TRRAP: variants seen among roughly 807,000 people sequenced by gnomAD.
The protein encoded by TRRAP is transformation/transcription domain-associated protein.
Under a neutral mutation model 438.8 loss-of-function variants are expected in TRRAP, and 41 were observed. The ratio of observed to expected loss-of-function variants is 0.09; its 90% CI spans 0.07 to 0.12. TRRAP has a LOEUF of 0.12. Ranked by LOEUF, TRRAP falls within the 10% of genes least tolerant of loss-of-function variation. The pLI, the probability that TRRAP is intolerant of heterozygous loss-of-function variation, is 1.00. For synonymous variants in TRRAP, 1,994 were observed against 1,962.9 expected, an observed-to-expected ratio of 1.02 and a Z score of -0.42; for missense variants, 3,122 against 5,055.1, an observed-to-expected ratio of 0.62 and a Z score of 11.60.
Position 98,993,687 on chromosome 7 carries a change from G to A in TRRAP, c.9997G>A (p.Glu3333Lys). The change falls in exon 66 of 73, where the codon GAA becomes AAA. Residue 3333 changes from glutamate (E) to lysine (K), a missense_variant. Glu to Lys is a moderately conservative substitution (Grantham distance 56, BLOSUM62 1). Transcript: ENST00000456197. Reference protein sequence around the residue: ...ELHPTLLSSLEGIVDQMVWFR... With the variant: ...ELHPTLLSSLKGIVDQMVWFR... ...CCACCCCACCCTTCTGTCTTCCCTGGAAGGCATCGTCGATCAGATGGTCTG... is the reference window on the plus strand; with the variant it reads ...CCACCCCACCCTTCTGTCTTCCCTGAAAGGCATCGTCGATCAGATGGTCTG... The A allele has an allele frequency of 6.2e-7, 1 of 1,614,224 alleles. No individual in the cohort carries two copies. The highest frequency in any genetic ancestry group is 2.2e-5 in the East Asian group (1 of 44,882).
intron 45 of TRRAP, among the ~76,000 whole-genome samples, chr7:98,960,308 A>G (rs1046287235): frequency 6.6e-6 from 1 of 152,142 alleles, no homozygotes; most frequent in Non-Finnish European, 1.5e-5. Flanking sequence ...TGGCAGCAAA[A>G]GCTATTTTCT....
intron 40 of TRRAP, among the ~76,000 whole-genome samples, chr7:98,954,202 T>C (rs1041390959): frequency 6.6e-6 from 1 of 152,124 alleles, no homozygotes; most frequent in South Asian, 2.1e-4. Flanking sequence ...TGAGCGCTTC[T>C]TCCTGGAGTC....
chr7:98,957,965 G>A lies in TRRAP; in HGVS notation c.6232-16G>A. 1.2e-6 allele frequency: 2 copies of A among 1,610,346 alleles called. No homozygotes were observed. The highest frequency in any genetic ancestry group is 1.7e-6 in the Non-Finnish European group (2 of 1,177,246). ...GTTGCGATTCTCTTCCTGCCTGAAA[G>A]GAGGTCCTTTTCCAGGTCTTTGGGA... is the stretch of plus-strand genomic sequence containing the variant. On this transcript the variant is annotated splice_polypyrimidine_tract_variant and intron_variant, in intron 43 of 72. Transcript: ENST00000456197.
rs71118646 is a variant in TRRAP at position 98,914,718 on chromosome 7, CAAAAAAAAAAAAAAAAA to C, written c.2200-992_2200-976del. ...TGGGAGACAGAGTGAGACCCTGTCT[CAAAAAAAAAAAAAAAAA>C]AAAAAAAAAAAAGACAGAAAAAGAA... On this transcript the variant is annotated intron_variant, in intron 18 of 72. Coordinates refer to ENST00000456197, the MANE Select transcript of TRRAP (RefSeq NM_001375524.1). 1.8e-3 allele frequency among the ~76,000 whole-genome samples: 74 copies of C among 41,302 alleles called. 1 individual carries two copies. Among genetic ancestry groups the C allele is most frequent in the African/African-American group, 4.9e-3 (71 of 14,378 alleles). 27.1% of individuals were successfully genotyped at this position (41,302 alleles called of 152,430 possible). A position where few individuals can be genotyped will look rare whatever the true frequency, so the allele number is the denominator to read the frequency against.
chr7:98,955,373 C>A, intron 41 of TRRAP, 69 bp downstream of exon 41: 1 of 1,461,674 alleles, frequency 6.8e-7, no homozygotes, highest in Admixed American at 2.1e-5. Flanking sequence ...TTTACCTTGT[C>A]TTGTTCTGCA....
Position 99,011,782 on chromosome 7 carries a change from C to CA in TRRAP, c.11337+250dup, listed in dbSNP as rs1208572306. Among the ~76,000 whole-genome samples the CA allele has an allele frequency of 3.3e-5, 5 of 152,264 alleles. No individual in the cohort carries two copies. The highest frequency in any genetic ancestry group is 5.9e-5 in the Non-Finnish European group (4 of 68,052). ...CAGATGCCGGAAGGTGTCAAGTGAACAAATAAACAGATTGGGCCTCAGTCG... is the reference window on the plus strand; with the variant it reads ...CAGATGCCGGAAGGTGTCAAGTGAACAAAATAAACAGATTGGGCCTCAGTCG... On this transcript the variant is annotated intron_variant, in intron 72 of 72. Transcript: ENST00000456197. This position sits in a 1 kb window ranked among gnomAD's most constrained non-coding sequence, Gnocchi z 7.1.
At position 98,997,795 on chromosome 7, in the gene TRRAP, G is replaced by A. The variant is rs1033794815; in HGVS notation, c.10309+2947G>A. Among the ~76,000 whole-genome samples, 3 of 152,310 alleles carry A rather than the reference G, an allele frequency of 2.0e-5. No individual in the cohort carries two copies. The East Asian group carries it at 5.8e-4, about 29-fold the overall frequency. On this transcript the variant is annotated intron_variant, in intron 67 of 72. Coordinates refer to ENST00000456197, the MANE Select transcript of TRRAP (RefSeq NM_001375524.1). The stretch of plus-strand genomic sequence containing the variant: ...AGTCACCTTAAGTCTAGGCTCTACT[G>A]CCCAGGAAAATTGAATCGAACTTAA...
chr7:98,973,310 A>T (rs771268298), intron 53 of TRRAP, among the ~76,000 whole-genome samples: 1 of 152,156 alleles, frequency 6.6e-6, no homozygotes, highest in Admixed American at 6.6e-5. Flanking sequence ...AAAAAGGGCT[A>T]TAAGTCCATG....
chr7:98,997,369 T>C (rs993525541), intron 67 of TRRAP, among the ~76,000 whole-genome samples: 1 of 150,822 alleles, frequency 6.6e-6, no homozygotes, highest in Admixed American at 6.7e-5. Context: ...AATCTTACTT[T>C]ACTACCAAGC....
chr7:98,981,855 G>C lies in TRRAP; in HGVS notation c.8721G>C (p.Gln2907His). 6.2e-7 allele frequency: 1 copy of C among 1,608,508 alleles called. No homozygotes were observed. Among genetic ancestry groups the C allele is most frequent in the Non-Finnish European group, 8.5e-7 (1 of 1,178,132 alleles). The change falls in exon 59 of 73, where the codon CAG (glutamine) becomes CAC (histidine). Residue 2907 changes from glutamine (Q) to histidine (H), a missense_variant. Coordinates refer to ENST00000456197, the MANE Select transcript of TRRAP (RefSeq NM_001375524.1). ...YLAICHPEEQ[Q>H]LSFIERLVEM... ...CCATCTGCCACCCCGAGGAGCAGCA[G>C]CTCAGCTTCATCGAGCGCCTGGTGG...
chr7:98,929,033 G>A (rs1554412199), intron 23 of TRRAP, among the ~76,000 whole-genome samples: 1 of 151,682 alleles, frequency 6.6e-6, no homozygotes, highest in African/African-American at 2.4e-5. Flanking sequence ...TGCCTCCCGG[G>A]TTGAAGTGAT....
At position 98,977,142 on chromosome 7, in the gene TRRAP, A is replaced by G; in HGVS notation, c.8385+66A>G. On this transcript the variant is annotated intron_variant, in intron 56 of 72. Coordinates refer to ENST00000456197, the MANE Select transcript of TRRAP (RefSeq NM_001375524.1). Reference sequence around the variant, plus strand: ...AGGTCATTTATAACGGTTCTTTAATAAAATGTCCTCAAGTCGGAGTTCACG... The same window carrying G: ...AGGTCATTTATAACGGTTCTTTAATGAAATGTCCTCAAGTCGGAGTTCACG... The G allele has an allele frequency of 2.5e-6, 4 of 1,598,930 alleles. No homozygotes were observed. The South Asian group carries it at 4.4e-5, about 18-fold the overall frequency.
rs1789990474 is a variant in TRRAP, at chr7:98,925,161, A to G, written c.2873A>G (p.Tyr958Cys). 1.9e-6 allele frequency: 3 copies of G among 1,614,196 alleles called. No homozygotes were observed. The highest frequency in any genetic ancestry group is 1.1e-5 in the South Asian group (1 of 91,078). Residue 958 changes from tyrosine to cysteine, a missense_variant, in exon 22 of 73, where the codon TAC becomes TGC. Transcript: ENST00000456197. The part of the protein sequence containing the change: ...DCLKSANTEP[Y>C]YRRQAWEVIK... ...CTGAAAAGCGCCAACACTGAGCCCT[A>G]CTACCGGAGGCAGGCGTGGGAAGTG...
chr7:98,976,617 C>A lies in TRRAP; in HGVS notation c.8094C>A (p.Cys2698Ter). 6.2e-7 allele frequency: 1 copy of A among 1,614,206 alleles called. No individual in the cohort carries two copies. Among genetic ancestry groups the A allele is most frequent in the Non-Finnish European group, 8.5e-7 (1 of 1,180,044 alleles). The change falls in exon 55 of 73, where the codon TGC becomes TGA. Residue 2698 changes from cysteine to a stop codon, truncating the protein, a stop_gained. Coordinates refer to ENST00000456197, the MANE Select transcript of TRRAP (RefSeq NM_001375524.1). LOFTEE classifies it high-confidence loss of function. This position sits in a 1 kb window ranked among gnomAD's most constrained non-coding sequence, Gnocchi z 4.6. ...QCVPPIPIRP[C>*]VLKYLGKTHN... is the part of the protein sequence containing the mutation. ...TGCCGCCAATCCCCATCCGACCCTG[C>A]GTCCTGAAGTACCTGGGGAAGACAC...
At chr7:98,916,540 A>G (rs986702253) in intron 19 of TRRAP, among the ~76,000 whole-genome samples, 1 of 152,148 alleles carries the variant, frequency 6.6e-6, no homozygotes, top group Non-Finnish European at 1.5e-5. Context: ...GAGAAGTGAC[A>G]TAGGCTACCC....
chr7:98,924,985 A>G, intron 21 of TRRAP, 127 bp from the exon 22 acceptor site: 4 of 1,309,628 alleles, frequency 3.1e-6, no homozygotes, highest in South Asian at 1.6e-5. Context: ...AGCCCAGGCG[A>G]CAGAGCGAGA....
At chr7:98,928,590 C>A (rs1790160629) in intron 23 of TRRAP, among the ~76,000 whole-genome samples, 1 of 152,154 alleles carries the variant, frequency 6.6e-6, no homozygotes, top group Non-Finnish European at 1.5e-5. Flanking sequence ...GAGGCATTAC[C>A]TAATAATGCT....
rs370595985 is a variant in TRRAP at position 98,917,448 on chromosome 7, G to A, written c.2391G>A (p.Leu797=). The A allele has an allele frequency of 1.4e-5, 23 of 1,614,136 alleles. No individual in the cohort carries two copies. The African/African-American group carries it at 2.8e-4, about 20-fold the overall frequency. Residue 797 remains leucine (L), a synonymous_variant, in exon 20 of 73, where the codon CTG becomes CTA. Coordinates refer to ENST00000456197, the MANE Select transcript of TRRAP (RefSeq NM_001375524.1). The part of the protein sequence containing the change: ...LQGLNMLQSG[L]HKQHMKDLFV... ...GGCTGAACATGCTTCAGAGTGGCCT[G>A]CACAAGCAGCACATGAAGGACCTCT...
chr7:98,952,971 T>C (rs1253411165), intron 39 of TRRAP, among the ~76,000 whole-genome samples, 196 bp from the exon 40 acceptor site: 1 of 144,176 alleles, frequency 6.9e-6, no homozygotes, highest in Non-Finnish European at 1.5e-5. Flanking sequence ...CTTTCACATA[T>C]ATGTGAAGGA....
Sources: gnomAD v4.1 joint callset for allele counts (sites outside exome capture counted in the v4.1 genomes callset) on GRCh38, gnomAD v4.1.1 for gene constraint, Gnocchi (gnomAD v3.1) non-coding constraint, MANE v1.5 for transcripts, NCBI Gene and HGNC (gene_info 2026-07-23, HGNC 2026-07-21) for gene names.